Variants in DISP3 observed in about 807,000 individuals in gnomAD.
DISP3 encodes the protein dispatched RND transporter family member 3.
DISP3 carries 101 observed loss-of-function variants against 135.3 expected under a neutral mutation model. The observed-to-expected ratio is 0.75, with a 90% confidence interval of 0.64 to 0.88. DISP3 has a LOEUF of 0.88. Ranked by LOEUF, DISP3 falls within the 40% of genes least tolerant of loss-of-function variation. The probability of loss-of-function intolerance (pLI) is 0.00; values close to 1 mark genes in which losing one functional copy is unlikely to be tolerated. For synonymous variants in DISP3, 856 were observed against 817.0 expected (o/e 1.05, Z -0.81); for missense variants, 1,713 against 1,878.6 (o/e 0.91, Z 1.63).
At chr1:11,517,740 T>C (rs923807284) in intron 7 of DISP3, 138 bp downstream of exon 7, 8 of 1,186,592 alleles carry the variant, frequency 6.7e-6, no homozygotes, top group Non-Finnish European at 9.2e-6. Context: ...AAGGAGAAGA[T>C]GCTTCCATCC....
rs760047427 is a variant in DISP3 at position 11,534,987 on chromosome 1, C to T, written c.3536-24C>T. 5.2e-6 allele frequency: 8 copies of T among 1,551,232 alleles called. No individual in the cohort carries two copies. The South Asian group carries it at 8.2e-5, about 16-fold the overall frequency. On this transcript the variant is annotated intron_variant, in intron 18 of 20. Coordinates refer to ENST00000294484, the MANE Select transcript of DISP3 (RefSeq NM_020780.2). ...CTGCGACCGCCCACACAGCAGCGCA[C>T]TGAGGCCCTGTCCTCCCTTGCAGGG... is the stretch of plus-strand genomic sequence containing the variant.
In DISP3 at chr1:11,501,844, C is replaced by T. The variant is rs569895406; in HGVS notation, c.852C>T (p.Asp284=). 6.2e-7 allele frequency: 1 copy of T among 1,612,118 alleles called. No individual in the cohort carries two copies. The highest frequency in any genetic ancestry group is 1.1e-5 in the South Asian group (1 of 90,922). Residue 284 remains aspartate (D), a synonymous_variant, in exon 2 of 21, where the codon GAC becomes GAT. Transcript: ENST00000294484. This position sits in a 1 kb window ranked among gnomAD's most constrained non-coding sequence, Gnocchi z 4.9. ...AGCTCATCTTCCTGGCGCGCGGCGA[C>T]GCGGAGCGCAACATTTTCACCAGTG... ...RIELIFLARG[D]AERNIFTSER...
intron 1 of DISP3, among the ~76,000 whole-genome samples, chr1:11,493,582 G>A (rs1641246820): frequency 6.6e-6 from 1 of 152,108 alleles, no homozygotes. Context: ...AAATTAGCCA[G>A]GCATGGTGGC....
rs556205441 is a variant in DISP3 at position 11,525,384 on chromosome 1, G to A, written c.2613+72G>A. 4.7e-3 allele frequency: 7,192 copies of A among 1,528,216 alleles called. 34 individuals carry two copies. The highest frequency in any genetic ancestry group is 5.8e-3 in the Non-Finnish European group (6,612 of 1,133,396). The allele number at this position is 1,528,216 out of a possible 1,614,324, so 94.7% of individuals were successfully genotyped here. On this transcript the variant is annotated intron_variant, in intron 12 of 20. Coordinates refer to ENST00000294484, the MANE Select transcript of DISP3 (RefSeq NM_020780.2). The stretch of plus-strand genomic sequence containing the variant: ...GGGGGGCTCTCAGGGCCACACTGGT[G>A]GGCAGCCCTGGCCAATAGGGAGGGA...
Position 11,501,710 on chromosome 1 carries a change from G to C in DISP3, c.718G>C (p.Ala240Pro), listed in dbSNP as rs767344932. The C allele has an allele frequency of 3.8e-6, 6 of 1,598,742 alleles. No individual in the cohort carries two copies. In the Admixed American group the frequency reaches 1.0e-4, roughly 27 times the overall value. Residue 240 changes from alanine (A) to proline (P), a missense_variant, in exon 2 of 21, where the codon GCG becomes CCG. Physicochemically the swap from Ala to Pro is conservative, Grantham distance 27. Coordinates refer to ENST00000294484, the MANE Select transcript of DISP3 (RefSeq NM_020780.2). The surrounding 1 kb of genome is among the most constrained non-coding windows in gnomAD (Gnocchi z 4.9). Reference protein sequence around the residue: ...GRYQPSIPPHAAVAANQSRAR... With the variant: ...GRYQPSIPPHPAVAANQSRAR... ...GTACCAGCCCAGCATCCCGCCCCACGCGGCAGTCGCGGCCAATCAGAGCCG... is the reference window on the plus strand; with the variant it reads ...GTACCAGCCCAGCATCCCGCCCCACCCGGCAGTCGCGGCCAATCAGAGCCG...
chr1:11,523,654 C>T (rs1231339504), intron 10 of DISP3, among the ~76,000 whole-genome samples: 8 of 134,410 alleles, frequency 6.0e-5, no homozygotes, highest in Non-Finnish European at 1.1e-4. Flanking sequence ...ACAGAGACAG[C>T]AAGCAGGGGG....
In DISP3 at chr1:11,519,772, C is replaced by T; in HGVS notation, c.2092C>T (p.Gln698Ter). Residue 698 changes from glutamine (Q) to a stop codon, truncating the protein, a stop_gained, in exon 9 of 21, where the codon CAG becomes TAG. Transcript: ENST00000294484. LOFTEE classifies it high-confidence loss of function. This position sits in a 1 kb window ranked among gnomAD's most constrained non-coding sequence, Gnocchi z 4.3. Reference protein sequence around the residue: ...SLVSVSPEGLQPASNTGSRGH... With the variant: ...SLVSVSPEGL ...GGTGTCTGTGTCCCCCGAGGGTCTG[C>T]AGCCAGCCTCCAACACGGGCAGCCG... The T allele has an allele frequency of 3.7e-6, 6 of 1,613,104 alleles. No homozygotes were observed. The highest frequency in any genetic ancestry group is 5.1e-6 in the Non-Finnish European group (6 of 1,180,006).
chr1:11,517,872 C>T (rs1461651048), intron 7 of DISP3, among the ~76,000 whole-genome samples: 1 of 152,166 alleles, frequency 6.6e-6, no homozygotes, highest in Admixed American at 6.5e-5. Context: ...TCTTGCTGTG[C>T]CCATTTTACA....
chr1:11,486,603 C>T (rs555694708), intron 1 of DISP3, among the ~76,000 whole-genome samples: 1 of 152,256 alleles, frequency 6.6e-6, no homozygotes, highest in South Asian at 2.1e-4. Context: ...AGTTAATGAA[C>T]ATGCGAATAG....
intron 3 of DISP3, 23 bp downstream of exon 3, chr1:11,502,920 G>A (rs371582702): frequency 6.3e-7 from 1 of 1,578,138 alleles, no homozygotes; most frequent in East Asian, 2.2e-5. Flanking sequence ...GCTGCATCCT[G>A]TGTGTGCATG....
At position 11,536,495 on chromosome 1, in the gene DISP3, A is replaced by T; in HGVS notation, c.3988A>T (p.Ile1330Phe). Residue 1330 changes from isoleucine to phenylalanine, a missense_variant, in exon 21 of 21, where the codon ATC becomes TTC. Coordinates refer to ENST00000294484, the MANE Select transcript of DISP3 (RefSeq NM_020780.2). This position sits in a 1 kb window ranked among gnomAD's most constrained non-coding sequence, Gnocchi z 4.3. ...TGTGGCACTCAACACGGGCGTGTCC[A>T]TCCTCTACACGCTGACCGTCAGCAC... ...KIVALNTGVS[I>F]LYTLTVSTAL... The T allele has an allele frequency of 1.9e-6, 3 of 1,613,458 alleles. No homozygotes were observed. Among genetic ancestry groups the T allele is most frequent in the Non-Finnish European group, 2.5e-6 (3 of 1,179,934 alleles).
chr1:11,519,557 T>TCCAACTTGTCAAG lies in DISP3; in HGVS notation c.2038+55_2038+56insCAACTTGTCAAGC. ...GACCCCAGTGAGACCCAGCGCTGCC[T>TCCAACTTGTCAAG]CTGCCAGGGGAGTAACACTTGACAA... On this transcript the variant is annotated intron_variant, in intron 8 of 20. Coordinates refer to ENST00000294484, the MANE Select transcript of DISP3 (RefSeq NM_020780.2). The surrounding 1 kb of genome is among the most constrained non-coding windows in gnomAD (Gnocchi z 4.3). The TCCAACTTGTCAAG allele has an allele frequency of 2.5e-6, 4 of 1,598,302 alleles. No homozygotes were observed. In the South Asian group the frequency reaches 4.4e-5, roughly 18 times the overall value.
Position 11,516,193 on chromosome 1 carries a change from C to G in DISP3, c.1749+32C>G. 8 of 1,604,114 alleles carry G rather than the reference C, an allele frequency of 5.0e-6. No individual in the cohort carries two copies. The highest frequency in any genetic ancestry group is 1.3e-5 in the African/African-American group (1 of 74,960). On this transcript the variant is annotated intron_variant, in intron 6 of 20. Coordinates refer to ENST00000294484, the MANE Select transcript of DISP3 (RefSeq NM_020780.2). This position sits in a 1 kb window ranked among gnomAD's most constrained non-coding sequence, Gnocchi z 5.1. ...ACCTGTCCTCCATTCCTGTCCTGGC[C>G]TCCCACACGCTCATGCATACCTAGC... is the stretch of plus-strand genomic sequence containing the variant.
chr1:11,515,965 A>G, intron 5 of DISP3, 36 bp from the exon 6 acceptor site: 2 of 1,607,352 alleles, frequency 1.2e-6, no homozygotes, highest in Non-Finnish European at 1.7e-6. Flanking sequence ...AGACAGCAGA[A>G]TAATCCTGAG....
rs185244590 is a variant in DISP3, at chr1:11,514,986, A to G, written c.1454-383A>G. ...ACTCTACTGCCCAAGCAGACAAGAC[A>G]ATGGTAATACTTTCCAAAATGGAAA... On this transcript the variant is annotated intron_variant, in intron 4 of 20. Coordinates refer to ENST00000294484, the MANE Select transcript of DISP3 (RefSeq NM_020780.2). Among the ~76,000 whole-genome samples the G allele has an allele frequency of 6.6e-5, 10 of 152,330 alleles. No individual in the cohort carries two copies. In the East Asian group the frequency reaches 1.7e-3, roughly 26 times the overall value.
Position 11,519,224 on chromosome 1 carries a change from G to T in DISP3, c.1890-131G>T. The T allele has an allele frequency of 8.9e-7, 1 of 1,121,920 alleles. No individual in the cohort carries two copies. Among genetic ancestry groups the T allele is most frequent in the Non-Finnish European group, 1.3e-6 (1 of 787,820 alleles). 69.5% of individuals were successfully genotyped at this position (1,121,920 alleles called of 1,614,324 possible). On this transcript the variant is annotated intron_variant, in intron 7 of 20. Transcript: ENST00000294484. The surrounding 1 kb of genome is among the most constrained non-coding windows in gnomAD (Gnocchi z 4.3). ...CAGGTGACCAGCTCCCAGAAGTCTG[G>T]GGTGCTCATCCTGTGTGTGACGTCA...
intron 3 of DISP3, among the ~76,000 whole-genome samples, chr1:11,511,592 C>T (rs1641857202): frequency 6.6e-6 from 1 of 152,174 alleles, no homozygotes; most frequent in Non-Finnish European, 1.5e-5. Context: ...CAGGGTACAG[C>T]CTCCTTCCTA....
chr1:11,480,677 GCACACACACACACA>G (rs70983561), intron 1 of DISP3, among the ~76,000 whole-genome samples: 205 of 142,752 alleles, frequency 1.4e-3, no homozygotes, highest in East Asian at 2.3e-3. Flanking sequence ...GCGCGCGCGT[GCACACACACACACA>G]CACACACACA....
At position 11,530,856 on chromosome 1, in the gene DISP3, A is replaced by C. The variant is rs371997382; in HGVS notation, c.3103-51A>C. The C allele has an allele frequency of 3.1e-6, 5 of 1,606,594 alleles. No homozygotes were observed. In the South Asian group the frequency reaches 5.5e-5, roughly 18 times the overall value. ...GGTTGGGGGTGAGCACCCAGGACTG[A>C]GTCCCCGTCTCACTGAGCGGCCCGG... On this transcript the variant is annotated intron_variant, in intron 15 of 20. Coordinates refer to ENST00000294484, the MANE Select transcript of DISP3 (RefSeq NM_020780.2).
Sources: allele counts gnomAD v4.1 joint callset (sites outside exome capture counted in the v4.1 genomes callset), GRCh38; gene constraint gnomAD v4.1.1; non-coding constraint Gnocchi (gnomAD v3.1); transcripts MANE v1.5; gene names NCBI Gene and HGNC (gene_info 2026-07-23, HGNC 2026-07-21).